Variants in RARB observed in about 807,000 individuals in gnomAD.
The protein encoded by RARB is HBV-activated protein.
A neutral mutation model predicts 51.9 loss-of-function variants in RARB; 17 were observed. That is an observed-to-expected ratio of 0.33 (90% CI 0.22 to 0.49). The LOEUF is 0.49. Ranked by LOEUF, RARB falls within the 20% of genes least tolerant of loss-of-function variation. The probability of loss-of-function intolerance (pLI) is 0.99; values close to 1 mark genes in which losing one functional copy is unlikely to be tolerated. For synonymous variants in RARB, 215 were observed against 195.4 expected, an observed-to-expected ratio of 1.10 and a Z score of -0.84; for missense variants, 369 against 550.8, an observed-to-expected ratio of 0.67 and a Z score of 3.30.
chr3:24,963,303 C>G (rs937268), intron 2 of RARB, among the ~76,000 whole-genome samples: 1 of 151,504 alleles, frequency 6.6e-6, no homozygotes, highest in Non-Finnish European at 1.5e-5. Flanking sequence ...GATATAAATG[C>G]CAGTGAGTTC....
At chr3:24,841,602 G>A (rs1702422338) in intron 1 of RARB, among the ~76,000 whole-genome samples, 2 of 152,128 alleles carry the variant, frequency 1.3e-5, no homozygotes, top group South Asian at 4.1e-4. Flanking sequence ...TTTTAGATTA[G>A]TAAAAAACAA....
chr3:24,924,432 T>C (rs1296018649), intron 2 of RARB, among the ~76,000 whole-genome samples: 1 of 152,184 alleles, frequency 6.6e-6, no homozygotes, highest in Non-Finnish European at 1.5e-5. Flanking sequence ...TTTATATCTG[T>C]GCTCCTCAGT....
At chr3:24,985,505 C>A (rs1236719785) in intron 2 of RARB, among the ~76,000 whole-genome samples, 1 of 152,100 alleles carries the variant, frequency 6.6e-6, no homozygotes, top group African/African-American at 2.4e-5. Flanking sequence ...TTGCACAAAG[C>A]AATTTTACCT....
At chr3:25,195,826 A>C (rs775940409) in intron 5 of RARB, among the ~76,000 whole-genome samples, 2 of 152,072 alleles carry the variant, frequency 1.3e-5, no homozygotes, top group Admixed American at 6.6e-5. Flanking sequence ...AAAATATGAA[A>C]ATGTAAACAT....
chr3:24,908,582 T>C (rs975906434), intron 2 of RARB, among the ~76,000 whole-genome samples: 1 of 151,622 alleles, frequency 6.6e-6, no homozygotes, highest in African/African-American at 2.4e-5. Context: ...TGAGGTCAAC[T>C]TGAGGATAGA....
At chr3:24,952,468 G>A (rs913704113) in intron 2 of RARB, among the ~76,000 whole-genome samples, 5 of 151,882 alleles carry the variant, frequency 3.3e-5, no homozygotes, top group Non-Finnish European at 4.4e-5. Flanking sequence ...TGCTAATGGC[G>A]CTCCCCCCAT....
At chr3:25,460,432 A>G (rs929826882) in intron 1 of RARB, among the ~76,000 whole-genome samples, 2 of 100,180 alleles carry the variant, frequency 2.0e-5, no homozygotes, top group African/African-American at 4.6e-5. Flanking sequence ...TAAAATTTTT[A>G]TTTATTTATT....
intron 5 of RARB, among the ~76,000 whole-genome samples, chr3:25,404,043 G>C (rs11716792): frequency 6.6e-6 from 1 of 151,954 alleles, no homozygotes; most frequent in Non-Finnish European, 1.5e-5. Context: ...GATAAGGGAA[G>C]AAGAGCCTAA....
At chr3:24,878,026 T>C (rs1451882503) in intron 2 of RARB, among the ~76,000 whole-genome samples, 1 of 152,182 alleles carries the variant, frequency 6.6e-6, no homozygotes, top group African/African-American at 2.4e-5. Context: ...ATAAAAGTAC[T>C]ACACGTGCAA....
intron 2 of RARB, among the ~76,000 whole-genome samples, chr3:24,904,682 A>G (rs1334445608): frequency 6.6e-6 from 1 of 152,240 alleles, no homozygotes; most frequent in African/African-American, 2.4e-5. Flanking sequence ...AAAGGATTAG[A>G]AATCATTCTA....
chr3:25,098,297 A>G (rs1699338578), intron 3 of RARB, among the ~76,000 whole-genome samples: 1 of 152,210 alleles, frequency 6.6e-6, no homozygotes, highest in Non-Finnish European at 1.5e-5. Context: ...TTTCATAACC[A>G]CTTGGCTCTC....
Position 25,123,687 on chromosome 3 carries a change from G to C in RARB, c.-327-8474G>C, listed in dbSNP as rs1699818085. Among the ~76,000 whole-genome samples the C allele has an allele frequency of 2.6e-5, 4 of 152,256 alleles. No homozygotes were observed. In the South Asian group the frequency reaches 8.3e-4, roughly 32 times the overall value. ...TCTTTCTTGTAATAGCTCATGAAAA[G>C]CAGCAGCAAGGAGCAGCTCACACCC... On this transcript the variant is annotated intron_variant, in intron 3 of 11. Coordinates refer to the RARB transcript ENST00000383772.
chr3:25,040,432 A>C (rs987598914), intron 2 of RARB, among the ~76,000 whole-genome samples: 2 of 152,118 alleles, frequency 1.3e-5, no homozygotes, highest in Admixed American at 1.3e-4. Context: ...GGTCCTTGAT[A>C]TATTAGAATT....
chr3:25,255,734 G>C (rs1559333984), intron 5 of RARB, among the ~76,000 whole-genome samples: 3 of 152,016 alleles, frequency 2.0e-5, no homozygotes, highest in Non-Finnish European at 4.4e-5. Flanking sequence ...TTTTAGTCGA[G>C]TTGCTCAAGT....
intron 3 of RARB, among the ~76,000 whole-genome samples, chr3:25,065,112 C>G (rs1003108961): frequency 1.4e-5 from 2 of 138,844 alleles, no homozygotes; most frequent in Non-Finnish European, 1.5e-5. Context: ...AAATACGACT[C>G]TAGAACTTCA....
intron 5 of RARB, among the ~76,000 whole-genome samples, chr3:25,300,288 C>G (rs893194516): frequency 6.6e-6 from 1 of 152,166 alleles, no homozygotes; most frequent in Admixed American, 6.5e-5. Context: ...GAGTAAGATG[C>G]TGTAAAATGT....
At chr3:25,430,028 C>A (rs1315544730) in intron 1 of RARB, among the ~76,000 whole-genome samples, 3 of 152,138 alleles carry the variant, frequency 2.0e-5, no homozygotes, top group Admixed American at 6.5e-5. Context: ...GGAGAGGGGA[C>A]AATGACAGGA....
chr3:25,095,340 C>A (rs1436795841), intron 3 of RARB, among the ~76,000 whole-genome samples: 1 of 152,158 alleles, frequency 6.6e-6, no homozygotes, highest in Non-Finnish European at 1.5e-5. Context: ...AAAGTATGAT[C>A]CCTGGACCAG....
At chr3:25,268,523 C>T (rs1703178908) in intron 5 of RARB, among the ~76,000 whole-genome samples, 1 of 152,158 alleles carries the variant, frequency 6.6e-6, no homozygotes, top group Non-Finnish European at 1.5e-5. Context: ...GCATTTGATA[C>T]ATTCCATTGT....
Sources: gnomAD v4.1 joint callset for allele counts (sites outside exome capture counted in the v4.1 genomes callset) on GRCh38, gnomAD v4.1.1 for gene constraint, MANE v1.5 for transcripts, NCBI Gene and HGNC (gene_info 2026-07-23, HGNC 2026-07-21) for gene names.